SNTG1: variants seen among roughly 807,000 people sequenced by gnomAD.
SNTG1 encodes the protein syntrophin gamma 1.
A neutral mutation model predicts 74.7 loss-of-function variants in SNTG1; 39 were observed. The observed-to-expected ratio is 0.52, with a 90% confidence interval of 0.40 to 0.68. The LOEUF (loss-of-function observed/expected upper bound fraction) is 0.68, where lower values mean the gene tolerates loss of function less well. SNTG1 is among the 30% of genes least tolerant of loss of function. SNTG1 has a pLI of 0.00. For synonymous variants in SNTG1, 254 were observed against 217.1 expected (o/e 1.17, Z -1.49); for missense variants, 685 against 609.5 (o/e 1.12, Z -1.30).
chr8:49,973,645 A>G (rs1291381352), intron 1 of SNTG1, among the ~76,000 whole-genome samples: 1 of 152,218 alleles, frequency 6.6e-6, no homozygotes, highest in Non-Finnish European at 1.5e-5. Flanking sequence ...ATTTGAAGCA[A>G]GGAATAAAAA....
chr8:50,063,543 C>T (rs554907253), intron 1 of SNTG1, among the ~76,000 whole-genome samples: 1 of 152,274 alleles, frequency 6.6e-6, no homozygotes, highest in Non-Finnish European at 1.5e-5. Flanking sequence ...AAAGCATTGG[C>T]TTATCCCCCT....
At chr8:50,324,290 C>G (rs964915421) in intron 2 of SNTG1, among the ~76,000 whole-genome samples, 1 of 152,208 alleles carries the variant, frequency 6.6e-6, no homozygotes, top group Admixed American at 6.5e-5. Flanking sequence ...CTGTGCTCTT[C>G]CTCCCCAAGA....
chr8:50,609,150 T>C (rs1037974384), intron 13 of SNTG1, among the ~76,000 whole-genome samples: 2 of 152,082 alleles, frequency 1.3e-5, no homozygotes, highest in Admixed American at 6.6e-5. Context: ...TTTTCTTTCC[T>C]GTGAATACAA....
chr8:50,767,156 A>C (rs111395108), intron 18 of SNTG1, among the ~76,000 whole-genome samples: 1 of 152,016 alleles, frequency 6.6e-6, no homozygotes, highest in East Asian at 1.9e-4. Context: ...CAAAACATGC[A>C]TTAGTTTAAC....
chr8:50,103,234 A>C (rs533031743), intron 1 of SNTG1, among the ~76,000 whole-genome samples: 74 of 152,034 alleles, frequency 4.9e-4, no homozygotes, highest in African/African-American at 7.7e-4. Context: ...CTTTTATTTC[A>C]TTGAGCAGTG....
chr8:50,233,651 C>G (rs1304604806), intron 2 of SNTG1, among the ~76,000 whole-genome samples: 4 of 151,186 alleles, frequency 2.6e-5, no homozygotes, highest in African/African-American at 4.9e-5. Flanking sequence ...CTTCAAACCA[C>G]AAACCTGATA....
chr8:50,043,206 T>A (rs1818790551), intron 1 of SNTG1, among the ~76,000 whole-genome samples: 1 of 152,212 alleles, frequency 6.6e-6, no homozygotes, highest in Non-Finnish European at 1.5e-5. Flanking sequence ...GTAGAGAATC[T>A]ATATTAGCGA....
intron 1 of SNTG1, among the ~76,000 whole-genome samples, chr8:50,028,508 G>T (rs1054786430): frequency 6.7e-6 from 1 of 148,306 alleles, no homozygotes; most frequent in Admixed American, 6.8e-5. Context: ...GGCCGTTGCA[G>T]GTGTATCTTT....
At chr8:49,988,215 T>C (rs1813354838) in intron 1 of SNTG1, among the ~76,000 whole-genome samples, 1 of 151,672 alleles carries the variant, frequency 6.6e-6, no homozygotes, top group Non-Finnish European at 1.5e-5. Flanking sequence ...GCGTGCAGAG[T>C]TGTTACAATA....
At chr8:50,230,522 C>T (rs34788367) in intron 2 of SNTG1, among the ~76,000 whole-genome samples, 88,028 of 150,990 alleles carry the variant, frequency 0.58, 28,680 homozygotes, top group East Asian at 0.85. Context: ...TACATAATTT[C>T]GGAGCTTTAT....
intron 11 of SNTG1, among the ~76,000 whole-genome samples, chr8:50,540,984 T>G (rs2094342484): frequency 6.6e-6 from 1 of 152,180 alleles, no homozygotes; most frequent in Middle Eastern, 3.4e-3. Context: ...ACAAACTTGG[T>G]CATTAATTCA....
At chr8:50,682,454 T>G (rs766364755) in intron 15 of SNTG1, among the ~76,000 whole-genome samples, 1 of 151,984 alleles carries the variant, frequency 6.6e-6, no homozygotes, top group Non-Finnish European at 1.5e-5. Flanking sequence ...AACTACTGAT[T>G]AGAGCTGGTG....
At chr8:50,274,442 T>G (rs1354256052) in intron 2 of SNTG1, among the ~76,000 whole-genome samples, 1 of 152,154 alleles carries the variant, frequency 6.6e-6, no homozygotes, top group Non-Finnish European at 1.5e-5. Flanking sequence ...GAGTATTTTT[T>G]GTCTATTATT....
intron 2 of SNTG1, among the ~76,000 whole-genome samples, chr8:50,257,013 C>A (rs138550035): frequency 6.6e-6 from 1 of 152,000 alleles, no homozygotes. Context: ...TTGTAGCCCC[C>A]CTGCTCCCCT....
intron 2 of SNTG1, among the ~76,000 whole-genome samples, chr8:50,299,977 A>G (rs1358615518): frequency 2.0e-5 from 3 of 152,182 alleles, no homozygotes; most frequent in South Asian, 2.1e-4. Context: ...ATTCATATAG[A>G]ACAGTTAGAC....
At chr8:50,316,677 A>G (rs1287261383) in intron 2 of SNTG1, among the ~76,000 whole-genome samples, 1 of 152,184 alleles carries the variant, frequency 6.6e-6, no homozygotes, top group Non-Finnish European at 1.5e-5. Context: ...CAAGCAGTCC[A>G]GTTAGTACTA....
chr8:50,560,140 A>G (rs1315731514), intron 12 of SNTG1, among the ~76,000 whole-genome samples: 1 of 152,220 alleles, frequency 6.6e-6, no homozygotes, highest in Non-Finnish European at 1.5e-5. Flanking sequence ...ACTGGTCATT[A>G]GAGAAATGCA....
At chr8:50,640,315 C>A (rs1043039855) in intron 13 of SNTG1, among the ~76,000 whole-genome samples, 1 of 152,134 alleles carries the variant, frequency 6.6e-6, no homozygotes, top group Non-Finnish European at 1.5e-5. Context: ...CTTATAATAA[C>A]AAGGTCAGTC....
intron 2 of SNTG1, among the ~76,000 whole-genome samples, chr8:50,275,494 C>T (rs1184512521): frequency 3.9e-5 from 6 of 152,066 alleles, no homozygotes; most frequent in Admixed American, 6.6e-5. Context: ...GTTTGCAATA[C>T]GCATTTACAG....
Sources: allele counts gnomAD v4.1 joint callset (sites outside exome capture counted in the v4.1 genomes callset), GRCh38; gene constraint gnomAD v4.1.1; transcripts MANE v1.5; gene names NCBI Gene and HGNC (gene_info 2026-07-23, HGNC 2026-07-21).